Variants in CNTNAP5 observed in about 807,000 individuals in gnomAD.
CNTNAP5 encodes contactin associated protein family member 5.
Under a neutral mutation model 150.2 loss-of-function variants are expected in CNTNAP5, and 72 were observed. The ratio of observed to expected loss-of-function variants is 0.48; its 90% CI spans 0.40 to 0.58. The LOEUF is 0.58. Among genes scored for constraint, CNTNAP5 ranks in the 20% least tolerant of loss-of-function variants. CNTNAP5 has a pLI of 0.00. For synonymous variants in CNTNAP5, 672 were observed against 619.8 expected, an observed-to-expected ratio of 1.08 and a Z score of -1.25; for missense variants, 1,636 against 1,626.2, an observed-to-expected ratio of 1.01 and a Z score of -0.10.
At chr2:124,372,748 A>G (rs1227692719) in intron 3 of CNTNAP5, among the ~76,000 whole-genome samples, 1 of 152,064 alleles carries the variant, frequency 6.6e-6, no homozygotes, top group Non-Finnish European at 1.5e-5. Context: ...ATTTAAACCA[A>G]ATTGACTCAG....
chr2:124,311,454 T>C (rs1688828878), intron 3 of CNTNAP5, among the ~76,000 whole-genome samples: 1 of 151,322 alleles, frequency 6.6e-6, no homozygotes, highest in South Asian at 2.1e-4. Context: ...GAGAGAGGAG[T>C]GTGGGGAGAA....
chr2:124,913,912 A>G (rs1678707201), intron 23 of CNTNAP5, among the ~76,000 whole-genome samples, 180 bp from the exon 24 acceptor site: 1 of 152,096 alleles, frequency 6.6e-6, no homozygotes, highest in Admixed American at 6.6e-5. Context: ...TTTTATAGTA[A>G]TTGAAGACAG....
intron 1 of CNTNAP5, among the ~76,000 whole-genome samples, chr2:124,204,653 C>A (rs1334945313): frequency 1.3e-5 from 2 of 152,176 alleles, no homozygotes; most frequent in Non-Finnish European, 2.9e-5. Flanking sequence ...AAAGGAGGAG[C>A]AAAGGTACAT....
intron 2 of CNTNAP5, among the ~76,000 whole-genome samples, chr2:124,223,681 G>A (rs988367797): frequency 1.3e-5 from 2 of 151,646 alleles, no homozygotes; most frequent in Admixed American, 6.6e-5. Flanking sequence ...ATCACAGGCC[G>A]GCTCTCTCCC....
At chr2:124,618,766 G>A (rs185633364) in intron 12 of CNTNAP5, among the ~76,000 whole-genome samples, 35 of 152,282 alleles carry the variant, frequency 2.3e-4, no homozygotes, top group African/African-American at 5.8e-4. Flanking sequence ...GACCAAAAAC[G>A]TCTGGGGAAA....
intron 6 of CNTNAP5, among the ~76,000 whole-genome samples, chr2:124,447,833 A>T (rs1172281941): frequency 6.6e-6 from 1 of 152,204 alleles, no homozygotes; most frequent in Non-Finnish European, 1.5e-5. Context: ...TGGTTCAAAA[A>T]ATGTCAAACA....
chr2:124,571,761 A>G (rs1696167680), intron 11 of CNTNAP5, among the ~76,000 whole-genome samples: 1 of 151,442 alleles, frequency 6.6e-6, no homozygotes, highest in Admixed American at 6.6e-5. Flanking sequence ...CGAACTCCTG[A>G]CTTCAGGTGA....
intron 1 of CNTNAP5, among the ~76,000 whole-genome samples, chr2:124,194,735 T>G (rs2104700118): frequency 6.6e-6 from 1 of 150,994 alleles, no homozygotes; most frequent in Non-Finnish European, 1.5e-5. Flanking sequence ...CCTTATATAT[T>G]ATAGGTAACA....
In CNTNAP5 at chr2:124,318,820, C is replaced by T. The variant is rs1476342518; in HGVS notation, c.381+76427C>T. Among the ~76,000 whole-genome samples the T allele has an allele frequency of 2.0e-5, 3 of 152,064 alleles. No individual in the cohort carries two copies. In the East Asian group the frequency reaches 5.8e-4, roughly 29 times the overall value. On this transcript the variant is annotated intron_variant, in intron 3 of 23. Transcript: ENST00000682447. Reference sequence around the variant, plus strand: ...CCAATCAGTCTTCCATCTCTATCTCCTAAATATGCCTCCCTCTATTTCTCT... The same window carrying T: ...CCAATCAGTCTTCCATCTCTATCTCTTAAATATGCCTCCCTCTATTTCTCT...
chr2:124,790,105 A>G lies in CNTNAP5; in HGVS notation c.2956A>G (p.Thr986Ala). 1 of 1,613,848 alleles carries G rather than the reference A, an allele frequency of 6.2e-7. No individual in the cohort carries two copies. Residue 986 changes from threonine to alanine, a missense_variant, in exon 18 of 24, where the codon ACC (threonine) becomes GCC (alanine). By Grantham distance (58) the Thr-to-Ala change is moderately conservative. Transcript: ENST00000682447. ...GCACAATGGCTACCTGTGTGATTGCACCAATTCACCTTATGAAGGGCCCTT... is the reference window on the plus strand; with the variant it reads ...GCACAATGGCTACCTGTGTGATTGCGCCAATTCACCTTATGAAGGGCCCTT... ...EKHNGYLCDC[T>A]NSPYEGPFCK...
rs748680725 is a variant in CNTNAP5 at position 124,772,895 on chromosome 2, A to G, written c.2630A>G (p.Tyr877Cys). 2.5e-6 allele frequency: 4 copies of G among 1,613,470 alleles called. No individual in the cohort carries two copies. The highest frequency in any genetic ancestry group is 1.7e-5 in the Admixed American group (1 of 59,984). ...CTTCTGAATGACAACCAATGGCACT[A>G]TGTCCGGGCTGAGAGGAACCTCAAG... ...PSLLNDNQWH[Y>C]VRAERNLKET... The change falls in exon 17 of 24, where the codon TAT becomes TGT. Residue 877 changes from tyrosine (Y) to cysteine (C), a missense_variant. Coordinates refer to ENST00000682447, the MANE Select transcript of CNTNAP5 (RefSeq NM_001367498.1).
At chr2:124,553,718 A>G (rs890594956) in intron 10 of CNTNAP5, among the ~76,000 whole-genome samples, 2 of 152,200 alleles carry the variant, frequency 1.3e-5, no homozygotes, top group African/African-American at 4.8e-5. Context: ...CAACTTGGCC[A>G]ATAGATTAAA....
intron 12 of CNTNAP5, among the ~76,000 whole-genome samples, chr2:124,629,936 C>CAGAAAAA (rs1677811981): frequency 1.5e-5 from 1 of 67,772 alleles, no homozygotes; most frequent in Non-Finnish European, 3.1e-5. Flanking sequence ...CACCTCTATG[C>CAGAAAAA]AAAAAAAAAA....
chr2:124,381,136 C>T (rs145884189), intron 3 of CNTNAP5, among the ~76,000 whole-genome samples: 216 of 152,192 alleles, frequency 1.4e-3, no homozygotes, highest in African/African-American at 4.9e-3. Flanking sequence ...TGTTTAAGGA[C>T]AGATGAAAGT....
At chr2:124,182,135 A>T (rs1215987184) in intron 1 of CNTNAP5, among the ~76,000 whole-genome samples, 1 of 152,168 alleles carries the variant, frequency 6.6e-6, no homozygotes, top group Non-Finnish European at 1.5e-5. Flanking sequence ...TCTTCTCACA[A>T]TAATCAGAAT....
chr2:124,285,617 T>C (rs756455487), intron 3 of CNTNAP5, among the ~76,000 whole-genome samples: 1 of 150,710 alleles, frequency 6.6e-6, no homozygotes, highest in Non-Finnish European at 1.5e-5. Context: ...CTGGGCAACA[T>C]GGAAAAACCC....
At chr2:124,556,012 A>G (rs917980557) in intron 10 of CNTNAP5, among the ~76,000 whole-genome samples, 1 of 152,216 alleles carries the variant, frequency 6.6e-6, no homozygotes, top group Non-Finnish European at 1.5e-5. Context: ...AAAAAATCTA[A>G]ACTGACAACT....
chr2:124,586,806 A>G (rs1229781829), intron 11 of CNTNAP5, among the ~76,000 whole-genome samples: 1 of 152,238 alleles, frequency 6.6e-6, no homozygotes, highest in Non-Finnish European at 1.5e-5. Context: ...TACAGGGAAC[A>G]TTTGAAAGTT....
intron 11 of CNTNAP5, among the ~76,000 whole-genome samples, chr2:124,606,305 G>A (rs1397871044): frequency 6.6e-6 from 1 of 151,874 alleles, no homozygotes; most frequent in East Asian, 1.9e-4. Flanking sequence ...TTTGGGGATG[G>A]GGGGATAAAA....
Sources: allele counts gnomAD v4.1 joint callset (sites outside exome capture counted in the v4.1 genomes callset), GRCh38; gene constraint gnomAD v4.1.1; transcripts MANE v1.5; gene names NCBI Gene and HGNC (gene_info 2026-07-23, HGNC 2026-07-21).